The following CHRM3 variants were observed in gnomAD, a reference collection of about 807,000 sequenced individuals.
CHRM3 encodes cholinergic receptor muscarinic 3.
CHRM3 carries 11 observed loss-of-function variants against 41.8 expected under a neutral mutation model. The ratio of observed to expected loss-of-function variants is 0.26; its 90% CI spans 0.17 to 0.44. The LOEUF is 0.44. Among genes scored for constraint, CHRM3 ranks in the 20% least tolerant of loss-of-function variants. The probability of loss-of-function intolerance (pLI) is 1.00; values close to 1 mark genes in which losing one functional copy is unlikely to be tolerated. For missense variants in CHRM3, 571 were observed against 745.4 expected, an observed-to-expected ratio of 0.77 and a Z score of 2.72; for synonymous variants, 297 against 301.4, an observed-to-expected ratio of 0.99 and a Z score of 0.15.
At chr1:239,500,664 A>G (rs530259900) in intron 2 of CHRM3, among the ~76,000 whole-genome samples, 2 of 152,234 alleles carry the variant, frequency 1.3e-5, no homozygotes, top group South Asian at 4.1e-4. Flanking sequence ...CATAAATGAC[A>G]CAGAACTTAT....
At chr1:239,396,192 G>A (rs371358000) in intron 1 of CHRM3, among the ~76,000 whole-genome samples, 1 of 151,916 alleles carries the variant, frequency 6.6e-6, no homozygotes, top group Non-Finnish European at 1.5e-5. Context: ...TTCACTCTTG[G>A]TTTTAGTGTG....
intron 1 of CHRM3, among the ~76,000 whole-genome samples, chr1:239,481,363 T>TAA: frequency 6.6e-6 from 1 of 152,154 alleles, no homozygotes; most frequent in Non-Finnish European, 1.5e-5. Flanking sequence ...ACTTTATTTA[T>TAA]TTTTTTTACT....
At chr1:239,510,696 C>T (rs923413049) in intron 2 of CHRM3, among the ~76,000 whole-genome samples, 8 of 151,954 alleles carry the variant, frequency 5.3e-5, no homozygotes, top group African/African-American at 1.9e-4. Context: ...GCCACCATGC[C>T]CAGCTAATTT....
At chr1:239,608,844 C>A (rs2148732859) in intron 3 of CHRM3, among the ~76,000 whole-genome samples, 1 of 152,190 alleles carries the variant, frequency 6.6e-6, no homozygotes, top group East Asian at 1.9e-4. Context: ...TTATATATAA[C>A]AATTCAATCT....
In CHRM3 at chr1:239,415,703, A is replaced by G. The variant is rs75241916; in HGVS notation, c.-521+28476A>G. ...AGCAAATGAAGCTAGAGCAAGAAGG[A>G]TATGTGGCTGTTTAAATAAGAACTG... On this transcript the variant is annotated intron_variant, in intron 1 of 6. Coordinates refer to ENST00000676153, the MANE Select transcript of CHRM3 (RefSeq NM_001375978.1). Among the ~76,000 whole-genome samples the G allele has an allele frequency of 2.9e-3, 444 of 152,330 alleles. 10 individuals are homozygous for G. The East Asian group carries it at 0.064, about 22-fold the overall frequency.
chr1:239,905,139 A>T (rs1015626540), intron 6 of CHRM3, among the ~76,000 whole-genome samples: 1 of 152,206 alleles, frequency 6.6e-6, no homozygotes, highest in African/African-American at 2.4e-5. Flanking sequence ...GGTGATAAAG[A>T]GTATCTCATT....
In CHRM3 at chr1:239,880,946, G is replaced by A. The variant is rs184741593; in HGVS notation, c.-19-26487G>A. The stretch of plus-strand genomic sequence containing the variant: ...TTGGTTTTCAGCTGAGGAGGCTGGG[G>A]GCAAGATAGTAATAAAGACAGCAGG... On this transcript the variant is annotated intron_variant, in intron 6 of 6. Transcript: ENST00000676153. Among the ~76,000 whole-genome samples the A allele has an allele frequency of 2.2e-3, 333 of 152,240 alleles. 1 individual carries two copies. The highest frequency in any genetic ancestry group is 4.8e-3 in the Admixed American group (73 of 15,290).
chr1:239,602,089 C>CAT (rs1472949322), intron 3 of CHRM3, among the ~76,000 whole-genome samples: 10 of 13,070 alleles, frequency 7.7e-4, no homozygotes, highest in East Asian at 0.01. Context: ...TACATATATA[C>CAT]ATGTGTGTGT....
At chr1:239,453,650 G>A (rs1311948944) in intron 1 of CHRM3, among the ~76,000 whole-genome samples, 2 of 152,130 alleles carry the variant, frequency 1.3e-5, no homozygotes, top group African/African-American at 4.8e-5. Context: ...TATATATTAT[G>A]CATTCTACTA....
At chr1:239,595,238 A>C (rs950652396) in intron 3 of CHRM3, among the ~76,000 whole-genome samples, 3 of 152,246 alleles carry the variant, frequency 2.0e-5, no homozygotes, top group Non-Finnish European at 4.4e-5. Context: ...AGATTATTTA[A>C]AGTAAACAGG....
At chr1:239,766,670 GAT>G (rs375984630) in intron 5 of CHRM3, among the ~76,000 whole-genome samples, 1 of 106,460 alleles carries the variant, frequency 9.4e-6, no homozygotes, top group Non-Finnish European at 1.9e-5. Flanking sequence ...TATGGATATA[GAT>G]ATATAGATAT....
intron 6 of CHRM3, among the ~76,000 whole-genome samples, chr1:239,850,443 T>C (rs1004234324): frequency 6.6e-6 from 1 of 152,076 alleles, no homozygotes; most frequent in Non-Finnish European, 1.5e-5. Context: ...CTCGGTGTAA[T>C]TTTCATTGAA....
At chr1:239,509,252 C>A (rs2148187684) in intron 2 of CHRM3, among the ~76,000 whole-genome samples, 1 of 152,278 alleles carries the variant, frequency 6.6e-6, no homozygotes, top group African/African-American at 2.4e-5. Context: ...TTGTTACCCT[C>A]CCTTCTGGGA....
chr1:239,393,291 A>G (rs916935140), intron 1 of CHRM3, among the ~76,000 whole-genome samples: 11 of 152,222 alleles, frequency 7.2e-5, no homozygotes, highest in Non-Finnish European at 1.2e-4. Context: ...GTCATTTAAA[A>G]ATGTTATTGA....
At chr1:239,750,860 A>C (rs10925970) in intron 5 of CHRM3, among the ~76,000 whole-genome samples, 52,161 of 152,098 alleles carry the variant, frequency 0.34, 10,377 homozygotes, top group Middle Eastern at 0.48. Flanking sequence ...AACTTTGTTC[A>C]ATTTAATTTG....
At chr1:239,753,991 C>T (rs1375251891) in intron 5 of CHRM3, among the ~76,000 whole-genome samples, 1 of 152,098 alleles carries the variant, frequency 6.6e-6, no homozygotes, top group African/African-American at 2.4e-5. Flanking sequence ...AGAGGCTTTG[C>T]TATGTTCATT....
chr1:239,674,740 A>G (rs1043150191), intron 4 of CHRM3, among the ~76,000 whole-genome samples: 3 of 151,268 alleles, frequency 2.0e-5, no homozygotes, highest in African/African-American at 7.3e-5. Context: ...AAGAAAAATC[A>G]CTTAAGTATC....
At chr1:239,560,976 C>A (rs1186510113) in intron 3 of CHRM3, among the ~76,000 whole-genome samples, 1 of 152,132 alleles carries the variant, frequency 6.6e-6, no homozygotes, top group Non-Finnish European at 1.5e-5. Flanking sequence ...TTATTTTCCT[C>A]CTTTCTTCAT....
At chr1:239,397,652 A>G (rs1659604762) in intron 1 of CHRM3, among the ~76,000 whole-genome samples, 2 of 150,298 alleles carry the variant, frequency 1.3e-5, no homozygotes, top group Admixed American at 6.7e-5. Flanking sequence ...AGCCCGGGCA[A>G]CAGAGCGAGA....
Sources: gnomAD v4.1 joint callset for allele counts (sites outside exome capture counted in the v4.1 genomes callset) on GRCh38, gnomAD v4.1.1 for gene constraint, MANE v1.5 for transcripts, NCBI Gene and HGNC (gene_info 2026-07-23, HGNC 2026-07-21) for gene names.